Variants in ZNRF3 observed in about 807,000 individuals in gnomAD.
The protein encoded by ZNRF3 is zinc and ring finger 3.
In ZNRF3, 23 loss-of-function variants were observed where a neutral mutation model predicts 72.5. The ratio of observed to expected loss-of-function variants is 0.32; its 90% CI spans 0.23 to 0.45. The LOEUF (loss-of-function observed/expected upper bound fraction) is 0.45. Among genes scored for constraint, ZNRF3 ranks in the 20% least tolerant of loss-of-function variants. ZNRF3 has a pLI of 1.00. For missense variants in ZNRF3, 1,169 were observed against 1,272.1 expected, an observed-to-expected ratio of 0.92 and a Z score of 1.23; for synonymous variants, 610 against 545.3, an observed-to-expected ratio of 1.12 and a Z score of -1.65.
chr22:29,055,499 C>G lies in ZNRF3; in HGVS notation c.*1877C>G, dbSNP rs539112597. 1.7e-4 allele frequency: 26 copies of G among 152,344 alleles called. No individual in the cohort carries two copies. Among genetic ancestry groups the G allele is most frequent in the Admixed American group, 1.5e-3 (23 of 15,306 alleles). The allele number at this position is 152,344 out of a possible 1,614,324, so 9.4% of individuals were successfully genotyped here. On this transcript the variant is annotated 3_prime_UTR_variant, in exon 9 of 9. Coordinates refer to ENST00000544604, the MANE Select transcript of ZNRF3 (RefSeq NM_001206998.2). The stretch of plus-strand genomic sequence containing the variant: ...ATCTCTAGCTAGGATTTGACAAATT[C>G]CAACATCAAATGATCAAAACATTTG...
rs2033720859 is a variant in ZNRF3, at chr22:28,884,139, C to T, written c.300+73C>T. On this transcript the variant is annotated intron_variant, in intron 1 of 8. Coordinates refer to ENST00000544604, the MANE Select transcript of ZNRF3 (RefSeq NM_001206998.2). Reference sequence around the variant, plus strand: ...CTCCGGGGGCTGCGCCCGCCGACCCCGCCGCGGGCTGCCTGACTGGCGGGC... The same window carrying T: ...CTCCGGGGGCTGCGCCCGCCGACCCTGCCGCGGGCTGCCTGACTGGCGGGC... 10 of 1,024,160 alleles carry T rather than the reference C, an allele frequency of 9.8e-6. 1 individual carries two copies. In the South Asian group the frequency reaches 3.6e-4, roughly 37 times the overall value. 63.4% of individuals were successfully genotyped at this position (1,024,160 alleles called of 1,614,324 possible).
intron 1 of ZNRF3, among the ~76,000 whole-genome samples, chr22:28,974,060 CCATCCTCCCGCCT>C (rs1268621145): frequency 1.4e-4 from 22 of 151,808 alleles, no homozygotes; most frequent in Middle Eastern, 3.4e-3. Flanking sequence ...CGAGTTCACG[CCATCCTCCCGCCT>C]CAGCCTCCCG....
chr22:29,004,452 C>T (rs913660196), intron 2 of ZNRF3, among the ~76,000 whole-genome samples: 2 of 152,142 alleles, frequency 1.3e-5, no homozygotes, highest in Non-Finnish European at 2.9e-5. Flanking sequence ...GGTTGGGAGG[C>T]AGACAGCTAT....
intron 1 of ZNRF3, among the ~76,000 whole-genome samples, chr22:28,935,364 C>T (rs919901498): frequency 3.9e-5 from 6 of 152,208 alleles, no homozygotes; most frequent in South Asian, 2.1e-4. Context: ...CCCACCCTGG[C>T]GCCCGTGTGG....
chr22:28,966,415 A>T (rs2035460188), intron 1 of ZNRF3, among the ~76,000 whole-genome samples: 1 of 152,204 alleles, frequency 6.6e-6, no homozygotes, highest in Non-Finnish European at 1.5e-5. Context: ...ATTAAAAAAG[A>T]AGTTAGCTGT....
chr22:29,035,833 G>A lies in ZNRF3; in HGVS notation c.427-6662G>A, dbSNP rs143003414. Among the ~76,000 whole-genome samples the A allele has an allele frequency of 3.3e-3, 508 of 152,200 alleles. 32 individuals carry two copies. In the East Asian group the frequency reaches 0.083, roughly 25 times the overall value. Reference sequence around the variant, plus strand: ...GAACTAAGGCAATCCACCCTCCTTGGCCTCCCAAAGTGCTCGGATTACAGG... The same window carrying A: ...GAACTAAGGCAATCCACCCTCCTTGACCTCCCAAAGTGCTCGGATTACAGG... On this transcript the variant is annotated intron_variant, in intron 2 of 8. Transcript: ENST00000544604.
At position 29,053,348 on chromosome 22, in the gene ZNRF3, G is replaced by A. The variant is rs540676040; in HGVS notation, c.2768-231G>A. Among the ~76,000 whole-genome samples, 4 of 152,312 alleles carry A rather than the reference G, an allele frequency of 2.6e-5. No individual in the cohort carries two copies. In the East Asian group the frequency reaches 7.7e-4, roughly 29 times the overall value. On this transcript the variant is annotated intron_variant, in intron 8 of 8. Transcript: ENST00000544604. ...CATCTTTAATATATTGGGCTTTCGT[G>A]CTACCTGAGGGCTTCTAGAAAGCTC...
rs190126815 is a variant in ZNRF3, at chr22:28,987,682, T to G, written c.426+481T>G. Among the ~76,000 whole-genome samples, 4 of 152,310 alleles carry G rather than the reference T, an allele frequency of 2.6e-5. No individual in the cohort carries two copies. In the East Asian group the frequency reaches 7.7e-4, roughly 29 times the overall value. On this transcript the variant is annotated intron_variant, in intron 2 of 8. Coordinates refer to ENST00000544604, the MANE Select transcript of ZNRF3 (RefSeq NM_001206998.2). The stretch of plus-strand genomic sequence containing the variant: ...ACATTTGTATAGCAAACCATAGAGA[T>G]CTTCACATTAAGTGGGATAACTAAA...
rs766531449 is a variant in ZNRF3, at chr22:29,050,569, C to T, written c.2388C>T (p.Gly796=). Residue 796 remains glycine, a synonymous_variant, in exon 8 of 9, where the codon GGC becomes GGT. Coordinates refer to ENST00000544604, the MANE Select transcript of ZNRF3 (RefSeq NM_001206998.2). ...QVARGGGGGS[G]CYTEDYSVSV... ...CCCGCGGGGGCGGAGGGGGCAGCGG[C>T]TGCTACACTGAGGACTACTCGGTGA... is the stretch of plus-strand genomic sequence containing the variant. The T allele has an allele frequency of 5.0e-6, 8 of 1,608,834 alleles. No homozygotes were observed. In the African/African-American group the frequency reaches 5.3e-5, roughly 11 times the overall value.
chr22:28,893,699 T>C (rs1171412382), intron 1 of ZNRF3, among the ~76,000 whole-genome samples: 1 of 152,230 alleles, frequency 6.6e-6, no homozygotes, highest in East Asian at 1.9e-4. Flanking sequence ...GGTTTCCCCA[T>C]GTTGCTCAGG....
intron 1 of ZNRF3, among the ~76,000 whole-genome samples, chr22:28,961,699 G>A (rs143908770): frequency 6.6e-6 from 1 of 152,286 alleles, no homozygotes; most frequent in Non-Finnish European, 1.5e-5. Flanking sequence ...TCTATTTATT[G>A]TTGAGAAATG....
At chr22:28,888,412 TAGAC>T (rs1685356736) in intron 1 of ZNRF3, among the ~76,000 whole-genome samples, 1 of 152,244 alleles carries the variant, frequency 6.6e-6, no homozygotes, top group Admixed American at 6.5e-5. Context: ...GACCTGGATT[TAGAC>T]AGAAAGGGAT....
intron 1 of ZNRF3, among the ~76,000 whole-genome samples, chr22:28,955,135 G>A (rs746618981): frequency 1.1e-4 from 17 of 151,196 alleles, no homozygotes; most frequent in Non-Finnish European, 2.2e-4. Context: ...TGACCTCCTG[G>A]GCTCAAATGA....
chr22:28,887,307 T>C (rs550083443), intron 1 of ZNRF3, among the ~76,000 whole-genome samples: 1 of 152,000 alleles, frequency 6.6e-6, no homozygotes, highest in South Asian at 2.1e-4. Flanking sequence ...CTTATCATAG[T>C]CTGGTTTGCC....
rs556023560 is a variant in ZNRF3 at position 28,947,914 on chromosome 22, G to A, written c.301-39162G>A. On this transcript the variant is annotated intron_variant, in intron 1 of 8. Transcript: ENST00000544604. ...GGTTGGAGTGCAGTGGCGTGATCTC[G>A]ACTCACTGCAATCTCCGCCTCCTGG... Among the ~76,000 whole-genome samples the A allele has an allele frequency of 9.9e-5, 15 of 151,736 alleles. No homozygotes were observed. The South Asian group carries it at 1.5e-3, about 15-fold the overall frequency.
intron 1 of ZNRF3, among the ~76,000 whole-genome samples, chr22:28,925,971 C>T (rs184776869): frequency 7.9e-5 from 12 of 152,348 alleles, no homozygotes; most frequent in Middle Eastern, 3.4e-3. Context: ...CCTACCCCAT[C>T]CCCTGGCTGG....
intron 2 of ZNRF3, among the ~76,000 whole-genome samples, chr22:28,993,451 C>T (rs1001842593): frequency 3.3e-5 from 5 of 152,144 alleles, no homozygotes; most frequent in African/African-American, 4.8e-5. Flanking sequence ...AACCAAGGTA[C>T]GAGAGGTGGG....
chr22:28,986,690 A>C, intron 1 of ZNRF3: 1 of 972,306 alleles, frequency 1.0e-6, no homozygotes. Flanking sequence ...ACAATCTTGG[A>C]TACTAACATA....
At chr22:28,978,564 T>A (rs370420543) in intron 1 of ZNRF3, among the ~76,000 whole-genome samples, 14 of 152,322 alleles carry the variant, frequency 9.2e-5, no homozygotes, top group African/African-American at 3.4e-4. Context: ...ACCCATAGAA[T>A]CTGCTGGAAC....
Sources: allele counts gnomAD v4.1 joint callset (sites outside exome capture counted in the v4.1 genomes callset), GRCh38; gene constraint gnomAD v4.1.1; transcripts MANE v1.5; gene names NCBI Gene and HGNC (gene_info 2026-07-23, HGNC 2026-07-21).